CA1: variants seen among roughly 807,000 people sequenced by gnomAD.
CA1 encodes carbonic anhydrase 1, also known as carbonate dehydratase I.
CA1 carries 27 observed loss-of-function variants against 28.8 expected under a neutral mutation model. The observed-to-expected ratio is 0.94, with a 90% CI of 0.69 to 1.29. The LOEUF (loss-of-function observed/expected upper bound fraction) is 1.29, where lower values mean the gene tolerates loss of function less well. CA1 is among the 50% of genes most tolerant of loss of function. The pLI is 0.00. For missense variants in CA1, 335 were observed against 310.5 expected, an observed-to-expected ratio of 1.08 and a Z score of -0.59; for synonymous variants, 121 against 108.8, an observed-to-expected ratio of 1.11 and a Z score of -0.70.
intron 1 of CA1, among the ~76,000 whole-genome samples, chr8:85,376,239 G>A (rs1810411565): frequency 6.6e-6 from 1 of 152,144 alleles, no homozygotes; most frequent in Admixed American, 6.5e-5. Context: ...GCTGAGACAC[G>A]AGAATTGCTT....
chr8:85,337,378 T>C (rs544188881), intron 3 of CA1, among the ~76,000 whole-genome samples: 1 of 152,336 alleles, frequency 6.6e-6, no homozygotes, highest in Admixed American at 6.5e-5. Flanking sequence ...AGGGCTGTCC[T>C]TGAATCTCCT....
At chr8:85,367,345 G>C (rs1810048066) in intron 1 of CA1, among the ~76,000 whole-genome samples, 1 of 151,808 alleles carries the variant, frequency 6.6e-6, no homozygotes, top group Non-Finnish European at 1.5e-5. Flanking sequence ...ATTTTATTTT[G>C]TACAATCTAC....
chr8:85,339,980 T>C (rs555622288), intron 2 of CA1, among the ~76,000 whole-genome samples: 16 of 152,246 alleles, frequency 1.1e-4, no homozygotes, highest in Admixed American at 1.3e-4. Flanking sequence ...CTCCATAACA[T>C]GAAAGTGTGA....
At chr8:85,347,433 C>A (rs963014198) in intron 1 of CA1, among the ~76,000 whole-genome samples, 1 of 152,132 alleles carries the variant, frequency 6.6e-6, no homozygotes, top group African/African-American at 2.4e-5. Context: ...AGGTGTATTT[C>A]AGTGAAAGCA....
intron 1 of CA1, among the ~76,000 whole-genome samples, chr8:85,372,984 A>G (rs970029887): frequency 2.0e-5 from 3 of 152,232 alleles, no homozygotes; most frequent in African/African-American, 7.2e-5. Flanking sequence ...GGATATGCCA[A>G]AGAGAAGCCA....
At chr8:85,349,469 C>G (rs1160718581) in intron 1 of CA1, among the ~76,000 whole-genome samples, 2 of 152,130 alleles carry the variant, frequency 1.3e-5, no homozygotes, top group African/African-American at 4.8e-5. Flanking sequence ...ACTTTATTAT[C>G]ACAAAAGAGT....
At chr8:85,336,916 A>G in intron 4 of CA1, 29 bp downstream of exon 4, 2 of 1,324,246 alleles carry the variant, frequency 1.5e-6, no homozygotes, top group Non-Finnish European at 1.1e-6. Flanking sequence ...TCTCAGGGTA[A>G]TTATCTCTCA....
Position 85,352,667 on chromosome 8 carries a change from T to G in CA1, c.-24-11008A>C, listed in dbSNP as rs969359345. Among the ~76,000 whole-genome samples the G allele has an allele frequency of 4.0e-5, 3 of 74,704 alleles. No individual in the cohort carries two copies. In the East Asian group the frequency reaches 2.3e-3, roughly 58 times the overall value. 49.0% of individuals were successfully genotyped at this position (74,704 alleles called of 152,430 possible). A position where few individuals can be genotyped will look rare whatever the true frequency, so the allele number is the denominator to read the frequency against. On this transcript the variant is annotated intron_variant, in intron 1 of 7. Transcript: ENST00000523022. ...CCTGCCAGCTCAGCCCTCAGCTCCA[T>G]TTTTTTTTTTTTTTTTTGAGACATA...
chr8:85,353,133 G>A (rs928690890), intron 1 of CA1, among the ~76,000 whole-genome samples: 2 of 152,150 alleles, frequency 1.3e-5, no homozygotes, highest in Non-Finnish European at 2.9e-5. Context: ...TGGCTTAAGC[G>A]GGAGAAAAGT....
intron 4 of CA1, among the ~76,000 whole-genome samples, chr8:85,333,955 T>G (rs1335679831): frequency 6.6e-6 from 1 of 152,196 alleles, no homozygotes; most frequent in African/African-American, 2.4e-5. Flanking sequence ...TTGAAGTAAT[T>G]TTCTCTCACA....
intron 6 of CA1, among the ~76,000 whole-genome samples, chr8:85,331,200 A>C (rs1808379890): frequency 6.6e-6 from 1 of 152,066 alleles, no homozygotes; most frequent in African/African-American, 2.4e-5. Context: ...ATTTTCTTGG[A>C]AAATTATCCA....
At chr8:85,344,214 AT>A (rs1809054242) in intron 1 of CA1, among the ~76,000 whole-genome samples, 2 of 107,684 alleles carry the variant, frequency 1.9e-5, no homozygotes, top group African/African-American at 5.3e-5. Context: ...ATATAATATA[AT>A]TATATTATAT....
chr8:85,352,397 A>AT (rs1474705065), intron 1 of CA1, among the ~76,000 whole-genome samples: 6 of 152,166 alleles, frequency 3.9e-5, no homozygotes, highest in South Asian at 4.1e-4. Flanking sequence ...AACATCCTGA[A>AT]TAGACATGTG....
At chr8:85,343,469 GT>G (rs1455786059) in intron 1 of CA1, among the ~76,000 whole-genome samples, 3 of 152,124 alleles carry the variant, frequency 2.0e-5, no homozygotes, top group South Asian at 2.1e-4. Context: ...ATGTAGCTTG[GT>G]TTGGCTCAAG....
chr8:85,336,549 T>G (rs1585920121), intron 4 of CA1, among the ~76,000 whole-genome samples: 1 of 152,314 alleles, frequency 6.6e-6, no homozygotes, highest in South Asian at 2.1e-4. Context: ...CATTGAATTG[T>G]CCTGGCTTGG....
intron 6 of CA1, among the ~76,000 whole-genome samples, chr8:85,331,705 G>T (rs148408505): frequency 6.6e-6 from 1 of 151,838 alleles, no homozygotes; most frequent in African/African-American, 2.4e-5. Flanking sequence ...CAATCTACCC[G>T]CCTCGGCCTC....
At position 85,332,549 on chromosome 8, in the gene CA1, C is replaced by T. The variant is rs753761646; in HGVS notation, c.454G>A (p.Gly152Ser). The change falls in exon 6 of 8, where the codon GGT becomes AGT. Residue 152 changes from glycine (G) to serine (S), a missense_variant. Coordinates refer to ENST00000523022, the MANE Select transcript of CA1 (RefSeq NM_001128831.4). ...LAVIGVLMKVGEANPKLQKVL... is the reference protein window; with the variant it reads ...LAVIGVLMKVSEANPKLQKVL... ...TTCTGCAGCTTTGGGTTGGCCTCAC[C>T]AACCTGGAGATTTAAGAAAATAAAG... is the stretch of plus-strand genomic sequence containing the variant. 1 of 1,610,892 alleles carries T rather than the reference C, an allele frequency of 6.2e-7. No individual in the cohort carries two copies. Among genetic ancestry groups the T allele is most frequent in the Non-Finnish European group, 8.5e-7 (1 of 1,177,408 alleles).
At chr8:85,345,302 C>T (rs1479975054) in intron 1 of CA1, among the ~76,000 whole-genome samples, 1 of 152,128 alleles carries the variant, frequency 6.6e-6, no homozygotes, top group Non-Finnish European at 1.5e-5. Context: ...TGTATAGCCT[C>T]AAATATCTCC....
intron 2 of CA1, chr8:85,341,391 T>A: frequency 2.1e-6 from 1 of 467,250 alleles, no homozygotes; most frequent in Non-Finnish European, 3.8e-6. Context: ...GAGGTATGCC[T>A]GTATATATAT....
Sources: gnomAD v4.1 joint callset for allele counts (sites outside exome capture counted in the v4.1 genomes callset) on GRCh38, gnomAD v4.1.1 for gene constraint, MANE v1.5 for transcripts, NCBI Gene and HGNC (gene_info 2026-07-23, HGNC 2026-07-21) for gene names.